PNKD: variants seen among roughly 807,000 people sequenced by gnomAD.
The protein encoded by PNKD is PNKD metallo-beta-lactamase domain containing.
A neutral mutation model predicts 45.3 loss-of-function variants in PNKD; 36 were observed. The ratio of observed to expected loss-of-function variants is 0.80; its 90% CI spans 0.61 to 1.05. The LOEUF (loss-of-function observed/expected upper bound fraction) is 1.05, where lower values mean the gene tolerates loss of function less well. Among genes scored for constraint, PNKD ranks in the 50% least tolerant of loss-of-function variants. The pLI, the probability that PNKD is intolerant of heterozygous loss-of-function variation, is 0.00. For missense variants in PNKD, 511 were observed against 506.6 expected (o/e 1.01, Z -0.08); for synonymous variants, 197 against 210.1 (o/e 0.94, Z 0.54).
rs750878182 is a variant in PNKD at position 218,277,338 on chromosome 2, G to A, written c.236+5789G>A. On this transcript the variant is annotated intron_variant, in intron 2 of 9. Coordinates refer to ENST00000273077, the MANE Select transcript of PNKD (RefSeq NM_015488.5). ...CCTGATAAGAAAGGGGAGTCGGGGG[G>A]CCAGGGAAGGGCCCTCCATGCCCTC... 9 of 1,602,984 alleles carry A rather than the reference G, an allele frequency of 5.6e-6. No homozygotes were observed. In the African/African-American group the frequency reaches 6.7e-5, roughly 12 times the overall value.
intron 2 of PNKD, chr2:218,277,502 A>G (rs779785161): frequency 3.1e-6 from 5 of 1,610,182 alleles, no homozygotes; most frequent in Non-Finnish European, 4.3e-6. Flanking sequence ...CCACGTATGA[A>G]TGACTTCAAA....
At chr2:218,322,303 G>C (rs1241899303) in intron 2 of PNKD, among the ~76,000 whole-genome samples, 1 of 152,194 alleles carries the variant, frequency 6.6e-6, no homozygotes, top group Non-Finnish European at 1.5e-5. Flanking sequence ...CCCAGCCCTG[G>C]CTCCTGTGCC....
intron 2 of PNKD, among the ~76,000 whole-genome samples, chr2:218,335,153 T>A (rs79745234): frequency 0.043 from 6,359 of 149,316 alleles, 200 homozygotes; most frequent in African/African-American, 0.092. Flanking sequence ...CCCATCTCTT[T>A]AAAAAATAAA....
At chr2:218,275,451 C>T (rs376693165) in intron 2 of PNKD, 106 of 1,604,454 alleles carry the variant, frequency 6.6e-5, no homozygotes, top group Middle Eastern at 1.7e-4. Context: ...AGCCCAGGAT[C>T]GGGTGAAAAT....
In PNKD at chr2:218,273,044, C is replaced by T. The variant is rs1471763702; in HGVS notation, c.236+1495C>T. ...CTCTCACAGAGCTCAGTGTTCCCAG[C>T]TGGATGGTGGGGCAAACCCAGAGAC... On this transcript the variant is annotated intron_variant, in intron 2 of 9. Coordinates refer to ENST00000273077, the MANE Select transcript of PNKD (RefSeq NM_015488.5). 3.3e-6 allele frequency: 3 copies of T among 908,810 alleles called. No individual in the cohort carries two copies. The African/African-American group carries it at 5.1e-5, about 15-fold the overall frequency. 56.3% of individuals were successfully genotyped at this position (908,810 alleles called of 1,614,324 possible). A position where few individuals can be genotyped will look rare whatever the true frequency, so the allele number is the denominator to read the frequency against.
At position 218,323,553 on chromosome 2, in the gene PNKD, G is replaced by A. The variant is rs183972170; in HGVS notation, c.237-16230G>A. 1.1e-3 allele frequency: 948 copies of A among 877,150 alleles called. 10 individuals are homozygous for A. In the African/African-American group the frequency reaches 0.014, roughly 13 times the overall value. 54.3% of individuals were successfully genotyped at this position (877,150 alleles called of 1,614,324 possible). ...GGTTAGGAAGGGGCTTGGTCTAAGG[G>A]AAGAGGGATCGAGGAGACGGACTGG... On this transcript the variant is annotated intron_variant, in intron 2 of 9. Transcript: ENST00000273077.
intron 2 of PNKD, chr2:218,323,239 C>G: frequency 6.8e-7 from 1 of 1,462,698 alleles, no homozygotes; most frequent in Non-Finnish European, 9.0e-7. Flanking sequence ...CGCCGAGCCC[C>G]GCCCGGCCGG....
intron 2 of PNKD, among the ~76,000 whole-genome samples, chr2:218,332,195 A>G (rs1694346841): frequency 6.6e-6 from 1 of 152,182 alleles, no homozygotes; most frequent in Admixed American, 6.5e-5. Context: ...TTGGAGGTAG[A>G]GAGCTGGGGG....
chr2:218,281,338 T>C (rs184574358), intron 2 of PNKD, among the ~76,000 whole-genome samples: 325 of 152,214 alleles, frequency 2.1e-3, no homozygotes, highest in African/African-American at 7.7e-3. Flanking sequence ...GGTTTTGCCA[T>C]GTTGGCCAGG....
intron 2 of PNKD, among the ~76,000 whole-genome samples, chr2:218,297,359 T>C (rs1693163679): frequency 6.6e-6 from 1 of 152,204 alleles, no homozygotes; most frequent in African/African-American, 2.4e-5. Context: ...ACTAAAGGAC[T>C]GTGAGGCCGG....
At chr2:218,330,421 C>T (rs1423919783) in intron 2 of PNKD, among the ~76,000 whole-genome samples, 1 of 152,200 alleles carries the variant, frequency 6.6e-6, no homozygotes, top group East Asian at 1.9e-4. Context: ...CCCACATTGC[C>T]TCCCACGGGG....
At chr2:218,343,703 C>A in intron 8 of PNKD, 117 bp downstream of exon 8, 1 of 755,374 alleles carries the variant, frequency 1.3e-6, no homozygotes. Context: ...GGCCCAGAAG[C>A]GACACAGCTC....
intron 2 of PNKD, among the ~76,000 whole-genome samples, chr2:218,321,177 T>C (rs1250013713): frequency 6.6e-6 from 1 of 152,212 alleles, no homozygotes; most frequent in Admixed American, 6.5e-5. Flanking sequence ...TTTAATTTCT[T>C]GATAGAATGC....
chr2:218,306,622 C>T (rs1247698362), intron 2 of PNKD, among the ~76,000 whole-genome samples: 1 of 152,060 alleles, frequency 6.6e-6, no homozygotes, highest in Admixed American at 6.6e-5. Context: ...CCTAGTGGAG[C>T]CAGGGTTCTA....
At chr2:218,310,985 T>C (rs144270334) in intron 2 of PNKD, among the ~76,000 whole-genome samples, 192 of 152,330 alleles carry the variant, frequency 1.3e-3, no homozygotes, top group African/African-American at 4.2e-3. Context: ...CCGTGCAGGT[T>C]TGTGGCCTAG....
At chr2:218,338,018 A>C (rs778053696) in intron 2 of PNKD, among the ~76,000 whole-genome samples, 3 of 152,088 alleles carry the variant, frequency 2.0e-5, no homozygotes, top group Non-Finnish European at 4.4e-5. Context: ...GTGGTGGTGC[A>C]CGCCTCTAGT....
chr2:218,325,896 T>C (rs1053429290), intron 2 of PNKD, among the ~76,000 whole-genome samples: 1 of 152,204 alleles, frequency 6.6e-6, no homozygotes. Context: ...AGGGTGCGCC[T>C]GGAGTCAGAA....
intron 2 of PNKD, among the ~76,000 whole-genome samples, chr2:218,309,850 G>A (rs901848919): frequency 4.0e-5 from 6 of 151,630 alleles, no homozygotes; most frequent in African/African-American, 7.3e-5. Context: ...GAGGAGAATC[G>A]CTTGAACCTG....
chr2:218,271,720 A>T (rs916598695), intron 2 of PNKD, among the ~76,000 whole-genome samples, 171 bp downstream of exon 2: 1 of 152,210 alleles, frequency 6.6e-6, no homozygotes, highest in African/African-American at 2.4e-5. Flanking sequence ...GTGGGAAAGT[A>T]TGTGGAATTG....
Sources: gnomAD v4.1 joint callset for allele counts (sites outside exome capture counted in the v4.1 genomes callset) on GRCh38, gnomAD v4.1.1 for gene constraint, MANE v1.5 for transcripts, NCBI Gene and HGNC (gene_info 2026-07-23, HGNC 2026-07-21) for gene names.